The following ADGRG2 variants were observed in gnomAD, a reference collection of about 807,000 sequenced individuals.
ADGRG2 encodes G protein-coupled receptor 64.
Under a neutral mutation model 74.1 loss-of-function variants are expected in ADGRG2, and 26 were observed. That is an observed-to-expected ratio of 0.35 (90% CI 0.26 to 0.49). The LOEUF (loss-of-function observed/expected upper bound fraction) is 0.49. Among genes scored for constraint, ADGRG2 ranks in the 20% least tolerant of loss-of-function variants. The probability of loss-of-function intolerance (pLI) is 0.99; values close to 1 mark genes in which losing one functional copy is unlikely to be tolerated. For synonymous variants in ADGRG2, 296 were observed against 295.2 expected (o/e 1.00, Z -0.03); for missense variants, 619 against 763.1 (o/e 0.81, Z 2.22).
At chrX:19,120,675 A>G (rs765980539) in intron 1 of ADGRG2, among the ~76,000 whole-genome samples, 5 of 111,901 alleles carry the variant, frequency 4.5e-5, no homozygotes, top group African/African-American at 1.6e-4. Flanking sequence ...AATTTGTGGG[A>G]CCCAGTGCAA....
chrX:19,007,147 G>T, intron 20 of ADGRG2, 88 bp downstream of exon 20: 2 of 979,233 alleles, frequency 2.0e-6, no homozygotes, highest in Non-Finnish European at 2.9e-6. Flanking sequence ...CTTTCTGCCT[G>T]ATCTGCCTTT....
intron 2 of ADGRG2, among the ~76,000 whole-genome samples, chrX:19,077,370 A>C (rs937896645): frequency 5.1e-4 from 52 of 101,988 alleles, no homozygotes; most frequent in African/African-American, 1.9e-3. Flanking sequence ...AAAATTAGCC[A>C]GGTATGGTGT....
At chrX:19,068,318 A>T (rs1419781264) in intron 3 of ADGRG2, among the ~76,000 whole-genome samples, 1 of 112,414 alleles carries the variant, frequency 8.9e-6, no homozygotes, top group Non-Finnish European at 1.9e-5. Context: ...ATGCTGCAAC[A>T]TGGGTGAACC....
In ADGRG2 at chrX:19,115,808, G is replaced by T. The variant is rs192153850; in HGVS notation, c.-47+6634C>A. Among the ~76,000 whole-genome samples, 165 of 111,002 alleles carry T rather than the reference G, an allele frequency of 1.5e-3. 3 individuals carry two copies. The highest frequency in any genetic ancestry group is 4.9e-3 in the African/African-American group (149 of 30,534). ...ATCCCTACTAAAAATACAAAAATTAGCTGGGTGTGGTTGCATGAGCCCAGG... is the reference window on the plus strand; with the variant it reads ...ATCCCTACTAAAAATACAAAAATTATCTGGGTGTGGTTGCATGAGCCCAGG... On this transcript the variant is annotated intron_variant, in intron 1 of 28. Transcript: ENST00000379869.
intron 3 of ADGRG2, among the ~76,000 whole-genome samples, chrX:19,067,053 T>C (rs1326186168): frequency 1.8e-5 from 2 of 111,789 alleles, no homozygotes; most frequent in Non-Finnish European, 3.8e-5. Flanking sequence ...GCAGGGAACA[T>C]AAGGCCGATT....
chrX:19,076,832 A>G (rs752421688), intron 2 of ADGRG2, among the ~76,000 whole-genome samples: 4 of 112,026 alleles, frequency 3.6e-5, no homozygotes, highest in African/African-American at 6.5e-5. Context: ...AACATGATAA[A>G]ATAAAAACAT....
At chrX:19,084,652 T>C (rs1292636835) in intron 1 of ADGRG2, among the ~76,000 whole-genome samples, 2 of 112,354 alleles carry the variant, frequency 1.8e-5, no homozygotes. Context: ...TTAACATTTG[T>C]GAAAATGAGA....
At chrX:19,063,457 G>A (rs148513677) in intron 3 of ADGRG2, among the ~76,000 whole-genome samples, 1,245 of 112,370 alleles carry the variant, frequency 0.011, 17 homozygotes, top group African/African-American at 0.038. Context: ...CCTAGCTGTG[G>A]GACCTCTAGG....
chrX:19,100,117 C>T (rs1274879664), intron 1 of ADGRG2, among the ~76,000 whole-genome samples: 1 of 112,145 alleles, frequency 8.9e-6, no homozygotes, highest in Non-Finnish European at 1.9e-5. Flanking sequence ...TCAGTTGAGT[C>T]ACCTGTAAAA....
chrX:19,054,373 C>G (rs1029743055), intron 3 of ADGRG2, among the ~76,000 whole-genome samples: 1 of 111,669 alleles, frequency 9.0e-6, no homozygotes, highest in African/African-American at 3.3e-5. Context: ...TTGGGTTGCC[C>G]TTAAGTGGGA....
In ADGRG2 at chrX:19,090,717, T is replaced by C. The variant is rs1469289465; in HGVS notation, c.-46-7971A>G. Among the ~76,000 whole-genome samples the C allele has an allele frequency of 4.5e-5, 5 of 111,339 alleles. No individual in the cohort carries two copies. In the South Asian group the frequency reaches 1.9e-3, roughly 42 times the overall value. Reference sequence around the variant, plus strand: ...TTCTCCTGAATGATGTATTTTTTTTTTGCACTTTTTAAAAGTTGATTTTTC... The same window carrying C: ...TTCTCCTGAATGATGTATTTTTTTTCTGCACTTTTTAAAAGTTGATTTTTC... On this transcript the variant is annotated intron_variant, in intron 1 of 28. Transcript: ENST00000379869.
At position 19,033,754 on chromosome X, in the gene ADGRG2, C is replaced by T. The variant is rs752162635; in HGVS notation, c.263-100G>A. On this transcript the variant is annotated intron_variant, in intron 7 of 28. Transcript: ENST00000379869. ...TTTAGTGAAGTGCTAAAAAAAAAGT[C>T]ACACTGTTGACACCTTTAAGACACT... 33 of 440,976 alleles carry T rather than the reference C, an allele frequency of 7.5e-5. No individual in the cohort carries two copies. In the South Asian group the frequency reaches 1.1e-3, roughly 14 times the overall value. 36.3% of individuals were successfully genotyped at this position (440,976 alleles called of 1,213,427 possible).
intron 15 of ADGRG2, among the ~76,000 whole-genome samples, chrX:19,018,494 A>T (rs1278190572): frequency 9.1e-6 from 1 of 110,349 alleles, no homozygotes; most frequent in Non-Finnish European, 1.9e-5. Context: ...GTGACTGGGA[A>T]TCAGTATTTT....
At chrX:19,067,968 A>T (rs975658453) in intron 3 of ADGRG2, among the ~76,000 whole-genome samples, 6 of 112,611 alleles carry the variant, frequency 5.3e-5, no homozygotes, top group Non-Finnish European at 7.5e-5. Context: ...AAACAACAGG[A>T]AAATACAAGC....
At position 19,105,855 on chromosome X, in the gene ADGRG2, G is replaced by A. The variant is rs546280112; in HGVS notation, c.-47+16587C>T. 2.4e-4 allele frequency among the ~76,000 whole-genome samples: 25 copies of A among 103,828 alleles called. No individual in the cohort carries two copies. The South Asian group carries it at 0.011, about 44-fold the overall frequency. The allele number at this position is 103,828 out of a possible 115,157, so 90.2% of individuals were successfully genotyped here. On this transcript the variant is annotated intron_variant, in intron 1 of 28. Transcript: ENST00000379869. ...GGTTGGGAGAATCACTTGAACCTGGGAGGCGGAGGTTGCAGTGAGCCAAGA... is the reference window on the plus strand; with the variant it reads ...GGTTGGGAGAATCACTTGAACCTGGAAGGCGGAGGTTGCAGTGAGCCAAGA...
intron 3 of ADGRG2, among the ~76,000 whole-genome samples, chrX:19,053,951 C>T (rs1458075078): frequency 3.6e-5 from 4 of 111,334 alleles, no homozygotes; most frequent in Non-Finnish European, 1.9e-5. Flanking sequence ...TATTTGCTAC[C>T]ACAAGAACAG....
intron 3 of ADGRG2, among the ~76,000 whole-genome samples, chrX:19,053,792 T>G (rs964448268): frequency 8.9e-6 from 1 of 111,795 alleles, no homozygotes; most frequent in African/African-American, 3.3e-5. Context: ...AGGTTTAATT[T>G]ACTCACATTT....
rs1341959166 is a variant in ADGRG2, at chrX:19,074,576, T to G, written c.-1-5741A>C. Among the ~76,000 whole-genome samples the G allele has an allele frequency of 1.5e-3, 90 of 60,129 alleles. 3 individuals carry two copies. The highest frequency in any genetic ancestry group is 2.4e-3 in the Non-Finnish European group (82 of 33,898). The allele number at this position is 60,129 out of a possible 115,157, so 52.2% of individuals were successfully genotyped here. On this transcript the variant is annotated intron_variant, in intron 2 of 28. Transcript: ENST00000379869. ...TTCTTCTTCTTCTTTTTTTTTTTTTTTTTGTTTGTTTGAGGCGGAGTCTCG... is the reference window on the plus strand; with the variant it reads ...TTCTTCTTCTTCTTTTTTTTTTTTTGTTTGTTTGTTTGAGGCGGAGTCTCG...
In ADGRG2 at chrX:19,006,356, T is replaced by C. The variant is rs2060231237; in HGVS notation, c.1690-91A>G. 8 of 643,413 alleles carry C rather than the reference T, an allele frequency of 1.2e-5. No homozygotes were observed. In the Admixed American group the frequency reaches 2.2e-4, roughly 17 times the overall value. 53.0% of individuals were successfully genotyped at this position (643,413 alleles called of 1,213,427 possible). A position where few individuals can be genotyped will look rare whatever the true frequency, so the allele number is the denominator to read the frequency against. ...AAAGGTATTTGAAAAGAAAAAAAAC[T>C]GTGGTTTTTTTTAAATTTCAGAATC... On this transcript the variant is annotated intron_variant, in intron 20 of 28. Coordinates refer to ENST00000379869, the MANE Select transcript of ADGRG2 (RefSeq NM_001079858.3).
Sources: allele counts gnomAD v4.1 joint callset (sites outside exome capture counted in the v4.1 genomes callset), GRCh38; gene constraint gnomAD v4.1.1; transcripts MANE v1.5; gene names NCBI Gene and HGNC (gene_info 2026-07-23, HGNC 2026-07-21).